The following TTC28 variants were observed in gnomAD, a reference collection of about 807,000 sequenced individuals.
The protein encoded by TTC28 is tetratricopeptide repeat protein 28.
Under a neutral mutation model 198.0 loss-of-function variants are expected in TTC28, and 61 were observed. That is an observed-to-expected ratio of 0.31 (90% CI 0.25 to 0.38). The LOEUF is 0.38. Ranked by LOEUF, TTC28 falls within the 10% of genes least tolerant of loss-of-function variation. The pLI is 1.00. For missense variants in TTC28, 2,678 were observed against 3,164.0 expected (o/e 0.85, Z 3.69); for synonymous variants, 1,171 against 1,297.8 (o/e 0.90, Z 2.10).
At chr22:28,268,300 A>G (rs1011425987) in intron 5 of TTC28, among the ~76,000 whole-genome samples, 3 of 152,210 alleles carry the variant, frequency 2.0e-5, no homozygotes, top group Non-Finnish European at 4.4e-5. Flanking sequence ...GATCCAAAGT[A>G]CCGCCTGCAG....
intron 5 of TTC28, among the ~76,000 whole-genome samples, chr22:28,240,593 G>T (rs1422762946): frequency 6.6e-6 from 1 of 151,918 alleles, no homozygotes; most frequent in African/African-American, 2.4e-5. Flanking sequence ...CTCCAGAGAG[G>T]ACCCCAAAAC....
chr22:28,303,033 A>C (rs1048066435), intron 3 of TTC28, among the ~76,000 whole-genome samples: 11 of 152,234 alleles, frequency 7.2e-5, no homozygotes, highest in African/African-American at 2.7e-4. Context: ...CTGGGTCCCC[A>C]GGAGCTGGTG....
At position 28,108,412 on chromosome 22, in the gene TTC28, G is replaced by C; in HGVS notation, c.1442-9C>G. 7.0e-7 allele frequency: 1 copy of C among 1,433,646 alleles called. No homozygotes were observed. Among genetic ancestry groups the C allele is most frequent in the Non-Finnish European group, 9.2e-7 (1 of 1,089,944 alleles). The allele number at this position is 1,433,646 out of a possible 1,614,324, so 88.8% of individuals were successfully genotyped here. A position where few individuals can be genotyped will look rare whatever the true frequency, so the allele number is the denominator to read the frequency against. ...CATCTGGTGTATGATTCCTGAGAAA[G>C]AGAATAAAAGAACAGACTAAGACTG... On this transcript the variant is annotated splice_polypyrimidine_tract_variant and intron_variant, in intron 6 of 22. Coordinates refer to ENST00000397906, the MANE Select transcript of TTC28 (RefSeq NM_001145418.2).
chr22:28,272,528 G>T (rs565743349), intron 5 of TTC28, among the ~76,000 whole-genome samples: 6 of 152,128 alleles, frequency 3.9e-5, no homozygotes, highest in Non-Finnish European at 8.8e-5. Context: ...TCCAAAAGGT[G>T]TAATTCTAAA....
At chr22:28,433,349 G>C (rs1025427494) in intron 2 of TTC28, among the ~76,000 whole-genome samples, 2 of 152,080 alleles carry the variant, frequency 1.3e-5, no homozygotes, top group Non-Finnish European at 2.9e-5. Flanking sequence ...CAGAAGGAGA[G>C]AAGCCCAGTG....
chr22:28,499,847 A>C (rs1440095193), intron 2 of TTC28, among the ~76,000 whole-genome samples: 1 of 152,164 alleles, frequency 6.6e-6, no homozygotes, highest in South Asian at 2.1e-4. Context: ...TGGGGTACAC[A>C]GTGACATTGC....
chr22:28,372,716 T>C (rs1601705689), intron 2 of TTC28, among the ~76,000 whole-genome samples: 1 of 152,146 alleles, frequency 6.6e-6, no homozygotes, highest in Non-Finnish European at 1.5e-5. Flanking sequence ...TGAATCTCAA[T>C]GGCCCCTAAC....
At chr22:28,377,805 A>T (rs2046434469) in intron 2 of TTC28, among the ~76,000 whole-genome samples, 1 of 152,220 alleles carries the variant, frequency 6.6e-6, no homozygotes, top group African/African-American at 2.4e-5. Context: ...TAAAATTCAC[A>T]ATGTCTGGCA....
At chr22:28,246,266 T>C (rs1930088731) in intron 5 of TTC28, among the ~76,000 whole-genome samples, 4 of 152,184 alleles carry the variant, frequency 2.6e-5, no homozygotes, top group South Asian at 2.1e-4. Context: ...ATCTCTAAAA[T>C]AGAGAATAGA....
At chr22:28,672,624 A>G (rs185690366) in intron 1 of TTC28, among the ~76,000 whole-genome samples, 6 of 152,348 alleles carry the variant, frequency 3.9e-5, no homozygotes, top group African/African-American at 1.4e-4. Flanking sequence ...CTAAAAATCA[A>G]TAATATTTTC....
intron 5 of TTC28, among the ~76,000 whole-genome samples, chr22:28,181,735 A>G (rs984953329): frequency 6.6e-6 from 1 of 152,208 alleles, no homozygotes; most frequent in East Asian, 1.9e-4. Flanking sequence ...GGATTCTCCT[A>G]TCTCACATGT....
intron 5 of TTC28, among the ~76,000 whole-genome samples, chr22:28,178,091 G>A (rs1480153311): frequency 6.6e-6 from 1 of 152,092 alleles, no homozygotes; most frequent in Non-Finnish European, 1.5e-5. Flanking sequence ...ACGACTGGGG[G>A]AGAGAGAAAG....
intron 12 of TTC28, among the ~76,000 whole-genome samples, chr22:28,069,917 G>A (rs1467402743): frequency 7.6e-6 from 1 of 131,166 alleles, no homozygotes; most frequent in Non-Finnish European, 1.6e-5. Flanking sequence ...AAATTGAAAG[G>A]TTGTACAAAC....
intron 12 of TTC28, among the ~76,000 whole-genome samples, chr22:28,092,854 T>C (rs1461573156): frequency 2.0e-5 from 3 of 152,204 alleles, no homozygotes; most frequent in African/African-American, 7.2e-5. Context: ...AGTCACAGGA[T>C]AAATAAGAGA....
At chr22:28,058,501 G>A (rs1402314049) in intron 12 of TTC28, among the ~76,000 whole-genome samples, 1 of 151,924 alleles carries the variant, frequency 6.6e-6, no homozygotes, top group Non-Finnish European at 1.5e-5. Flanking sequence ...AAGCTACATG[G>A]TCATGCTATA....
At chr22:28,035,732 G>A (rs940312426) in intron 12 of TTC28, among the ~76,000 whole-genome samples, 1 of 152,194 alleles carries the variant, frequency 6.6e-6, no homozygotes, top group Non-Finnish European at 1.5e-5. Context: ...AAACTTTCCC[G>A]TGTGACTTAC....
At chr22:27,990,192 A>C in intron 20 of TTC28, 185 bp from the exon 21 acceptor site, 2 of 799,416 alleles carry the variant, frequency 2.5e-6, no homozygotes, top group Non-Finnish European at 3.6e-6. Context: ...CTCTGTGGGA[A>C]GCTCATGGGG....
chr22:28,568,365 G>T (rs1019208898), intron 2 of TTC28, among the ~76,000 whole-genome samples: 3 of 152,118 alleles, frequency 2.0e-5, no homozygotes, highest in Admixed American at 2.0e-4. Flanking sequence ...CCTAGCCAGA[G>T]CAATCAGACA....
At chr22:28,240,248 A>G (rs1289609547) in intron 5 of TTC28, among the ~76,000 whole-genome samples, 1 of 152,204 alleles carries the variant, frequency 6.6e-6, no homozygotes, top group Admixed American at 6.5e-5. Flanking sequence ...CATATTCTGT[A>G]TATTAGAGGA....
Sources: gnomAD v4.1 joint callset for allele counts (sites outside exome capture counted in the v4.1 genomes callset) on GRCh38, gnomAD v4.1.1 for gene constraint, MANE v1.5 for transcripts, NCBI Gene and HGNC (gene_info 2026-07-23, HGNC 2026-07-21) for gene names.